DIXDC1: variants seen among roughly 807,000 people sequenced by gnomAD.
The protein encoded by DIXDC1 is dixin.
Under a neutral mutation model 103.1 loss-of-function variants are expected in DIXDC1, and 64 were observed. The ratio of observed to expected loss-of-function variants is 0.62; its 90% CI spans 0.51 to 0.76. The LOEUF is 0.76. Ranked by LOEUF, DIXDC1 falls within the 30% of genes least tolerant of loss-of-function variation. DIXDC1 has a pLI of 0.00. For synonymous variants in DIXDC1, 266 were observed against 298.5 expected, an observed-to-expected ratio of 0.89 and a Z score of 1.12; for missense variants, 759 against 834.2, an observed-to-expected ratio of 0.91 and a Z score of 1.11.
At position 111,946,112 on chromosome 11, in the gene DIXDC1, T is replaced by C. The variant is rs587723823; in HGVS notation, c.60+8553T>C. Among the ~76,000 whole-genome samples the C allele has an allele frequency of 1.0e-4, 13 of 130,198 alleles. No homozygotes were observed. In the South Asian group the frequency reaches 3.0e-3, roughly 30 times the overall value. The allele number at this position is 130,198 out of a possible 152,430, so 85.4% of individuals were successfully genotyped here. On this transcript the variant is annotated intron_variant, in intron 1 of 19. Transcript: ENST00000440460. The stretch of plus-strand genomic sequence containing the variant: ...CCACCACGCCCGGCTAATTTTTGTA[T>C]TTTTTTTTTTTTTTGAGATGGAGTC...
At chr11:111,929,583 TAAA>T (rs587666008) in intron 1 of DIXDC1, among the ~76,000 whole-genome samples, 3 of 90,632 alleles carry the variant, frequency 3.3e-5, no homozygotes, top group Non-Finnish European at 4.5e-5. Context: ...ACCTTATCTC[TAAA>T]AAAAAAAAAA....
Position 111,958,563 on chromosome 11 carries a change from GA to G in DIXDC1, c.61-5985del. Among the ~76,000 whole-genome samples, 1 of 152,336 alleles carries G rather than the reference GA, an allele frequency of 6.6e-6. No homozygotes were observed. Among genetic ancestry groups the G allele is most frequent in the East Asian group, 1.9e-4 (1 of 5,168 alleles). The stretch of plus-strand genomic sequence containing the variant: ...TGCCGAAAAGCACCAGAGGGAGGCT[GA>G]GGGGATGGTGTGGGCAGCTCAGCGC... On this transcript the variant is annotated intron_variant, in intron 1 of 19. Transcript: ENST00000440460. This position sits in a 1 kb window ranked among gnomAD's most constrained non-coding sequence, Gnocchi z 4.2.
chr11:111,995,852 C>T (rs1555175347), intron 16 of DIXDC1, among the ~76,000 whole-genome samples: 3 of 152,134 alleles, frequency 2.0e-5, no homozygotes, highest in Non-Finnish European at 4.4e-5. Context: ...TCCCACCTAC[C>T]CCTGATTGAG....
intron 17 of DIXDC1, among the ~76,000 whole-genome samples, chr11:111,997,285 A>G (rs1489551125): frequency 1.3e-5 from 2 of 152,214 alleles, no homozygotes; most frequent in African/African-American, 4.8e-5. Context: ...CTGATCCCAG[A>G]TATCTTTTCC....
chr11:111,957,504 A>T (rs940712216), intron 1 of DIXDC1, among the ~76,000 whole-genome samples: 3 of 152,234 alleles, frequency 2.0e-5, no homozygotes, highest in Admixed American at 2.0e-4. Flanking sequence ...CAATAACGAG[A>T]TGTATTGGCA....
upstream of DIXDC1, chr11:111,937,132 G>GT (rs1491467513): frequency 4.9e-5 from 18 of 369,512 alleles, no homozygotes; most frequent in Middle Eastern, 1.2e-3. Flanking sequence ...CGGCCCGGGC[G>GT]GGGGGGGGGT....
At chr11:111,955,069 A>G (rs1555170446) in intron 1 of DIXDC1, among the ~76,000 whole-genome samples, 1 of 152,128 alleles carries the variant, frequency 6.6e-6, no homozygotes, top group Non-Finnish European at 1.5e-5. Context: ...GAGCACACCT[A>G]TCACCCAAAT....
chr11:111,981,669 C>T (rs1592592904), intron 6 of DIXDC1, among the ~76,000 whole-genome samples: 1 of 152,204 alleles, frequency 6.6e-6, no homozygotes, highest in Admixed American at 6.5e-5. Flanking sequence ...TTATTATATT[C>T]GTCTCTTGAA....
Position 111,954,016 on chromosome 11 carries a change from C to T in DIXDC1, c.61-10533C>T, listed in dbSNP as rs587717133. On this transcript the variant is annotated intron_variant, in intron 1 of 19. Transcript: ENST00000440460. ...CCCCAACCTTTCTGGCACCAGGGAC[C>T]GGTTTCATGGAAGACAGTTTTTCCA... 3.2e-3 allele frequency among the ~76,000 whole-genome samples: 480 copies of T among 152,212 alleles called. 3 individuals carry two copies. Among genetic ancestry groups the T allele is most frequent in the African/African-American group, 0.011 (446 of 41,522 alleles).
At position 111,974,971 on chromosome 11, in the gene DIXDC1, C is replaced by T. The variant is rs1555172450; in HGVS notation, c.644C>T (p.Ser215Phe). Reference protein sequence around the residue: ...YEGQQRSPSESSCSSLTSPSP... With the variant: ...YEGQQRSPSEFSCSSLTSPSP... The stretch of plus-strand genomic sequence containing the variant: ...GGGCAACAAAGGTCCCCGTCTGAAT[C>T]CAGCTGCTCCAGGTAACTGTGGCCT... Residue 215 changes from serine to phenylalanine, a missense_variant, in exon 5 of 20, where the codon TCC becomes TTC. By Grantham distance (155) the Ser-to-Phe change is radical. Coordinates refer to ENST00000440460, the MANE Select transcript of DIXDC1 (RefSeq NM_001037954.4). 3 of 1,611,496 alleles carry T rather than the reference C, an allele frequency of 1.9e-6. No individual in the cohort carries two copies. Among genetic ancestry groups the T allele is most frequent in the Non-Finnish European group, 2.5e-6 (3 of 1,179,092 alleles).
intron 17 of DIXDC1, among the ~76,000 whole-genome samples, chr11:112,008,326 G>T (rs2137624055): frequency 6.6e-6 from 1 of 152,160 alleles, no homozygotes; most frequent in Non-Finnish European, 1.5e-5. Context: ...AGTCCTTAGA[G>T]ACCTACAAAG....
intron 17 of DIXDC1, among the ~76,000 whole-genome samples, chr11:112,005,379 G>A (rs1158606961): frequency 1.3e-5 from 2 of 151,834 alleles, no homozygotes; most frequent in Admixed American, 1.3e-4. Flanking sequence ...CTAAATGTGT[G>A]TATACCCAAT....
At chr11:112,006,114 A>C (rs1345459093) in intron 17 of DIXDC1, among the ~76,000 whole-genome samples, 2 of 152,058 alleles carry the variant, frequency 1.3e-5, no homozygotes, top group East Asian at 3.9e-4. Context: ...GTCTTAGCAA[A>C]TGCAGACCAG....
upstream of DIXDC1, among the ~76,000 whole-genome samples, chr11:111,934,304 T>A (rs1347876503): frequency 1.3e-5 from 2 of 152,252 alleles, no homozygotes; most frequent in Non-Finnish European, 2.9e-5. Context: ...ATATAGATAT[T>A]TGGGTAGCTT....
At chr11:111,995,594 G>C in intron 16 of DIXDC1, 30 bp downstream of exon 16, 1 of 1,609,364 alleles carries the variant, frequency 6.2e-7, no homozygotes, top group Non-Finnish European at 8.5e-7. Flanking sequence ...ATCTCTCTTA[G>C]GCAAGCTCCT....
At chr11:111,964,859 T>C (rs1159760154) in intron 2 of DIXDC1, among the ~76,000 whole-genome samples, 181 bp downstream of exon 2, 10 of 152,210 alleles carry the variant, frequency 6.6e-5, no homozygotes, top group Admixed American at 6.5e-4. Context: ...AAACATTGTG[T>C]CCCGGGCACT....
intron 1 of DIXDC1, among the ~76,000 whole-genome samples, chr11:111,948,976 G>A (rs1966689317): frequency 6.6e-6 from 1 of 151,342 alleles, no homozygotes; most frequent in African/African-American, 2.4e-5. Flanking sequence ...CGTCATCACT[G>A]AATTCAAACC....
Position 112,021,041 on chromosome 11 carries a change from A to G in DIXDC1, c.*2005A>G, listed in dbSNP as rs968057389. Reference sequence around the variant, plus strand: ...GCCAAAATTCATTATTGTATTTCCAATACAGTTTGTCTTGAATGTCTGTCT... The same window carrying G: ...GCCAAAATTCATTATTGTATTTCCAGTACAGTTTGTCTTGAATGTCTGTCT... On this transcript the variant is annotated 3_prime_UTR_variant, in exon 20 of 20. Coordinates refer to ENST00000440460, the MANE Select transcript of DIXDC1 (RefSeq NM_001037954.4). 5 of 152,190 alleles carry G rather than the reference A, an allele frequency of 3.3e-5. No individual in the cohort carries two copies. Among genetic ancestry groups the G allele is most frequent in the African/African-American group, 9.6e-5 (4 of 41,456 alleles). 9.4% of individuals were successfully genotyped at this position (152,190 alleles called of 1,614,324 possible). A position where few individuals can be genotyped will look rare whatever the true frequency, so the allele number is the denominator to read the frequency against.
At chr11:111,994,656 G>GCA (rs1184735567) in intron 14 of DIXDC1, among the ~76,000 whole-genome samples, 2 of 150,654 alleles carry the variant, frequency 1.3e-5, no homozygotes, top group African/African-American at 2.4e-5. Flanking sequence ...ATGTGTGTGT[G>GCA]TATATATATA....
Sources: gnomAD v4.1 joint callset for allele counts (sites outside exome capture counted in the v4.1 genomes callset) on GRCh38, gnomAD v4.1.1 for gene constraint, Gnocchi (gnomAD v3.1) non-coding constraint, MANE v1.5 for transcripts, NCBI Gene and HGNC (gene_info 2026-07-23, HGNC 2026-07-21) for gene names.